RANBP2: variants seen among roughly 807,000 people sequenced by gnomAD.
RANBP2 encodes the protein E3 SUMO-protein ligase RanBP2.
A neutral mutation model predicts 303.6 loss-of-function variants in RANBP2; 57 were observed. That is an observed-to-expected ratio of 0.19 (90% confidence interval 0.15 to 0.23). RANBP2 has a LOEUF of 0.23. Ranked by LOEUF, RANBP2 falls within the 10% of genes least tolerant of loss-of-function variation. The pLI is 1.00. For synonymous variants in RANBP2, 1,167 were observed against 1,301.5 expected, an observed-to-expected ratio of 0.90 and a Z score of 2.23; for missense variants, 3,138 against 3,780.8, an observed-to-expected ratio of 0.83 and a Z score of 4.46.
At chr2:108,821,834 A>C in the RANBP2 span, among the ~76,000 whole-genome samples, 1 of 150,090 alleles carries the variant, frequency 6.7e-6, no homozygotes, top group Non-Finnish European at 1.5e-5. Flanking sequence ...AATCCCAGCT[A>C]CTCCAGAGGC....
At chr2:109,714,483 G>A in the RANBP2 span, among the ~76,000 whole-genome samples, 4 of 151,956 alleles carry the variant, frequency 2.6e-5, no homozygotes, top group East Asian at 7.8e-4. Flanking sequence ...TGTATTTTTA[G>A]TAGAGATGGG....
At chr2:109,728,092 A>G in the RANBP2 span, among the ~76,000 whole-genome samples, 1 of 152,198 alleles carries the variant, frequency 6.6e-6, no homozygotes, top group Non-Finnish European at 1.5e-5. Flanking sequence ...CTTGGAACCC[A>G]GCCACCATGC....
the RANBP2 span, among the ~76,000 whole-genome samples, chr2:109,006,009 G>T: frequency 6.6e-6 from 1 of 152,122 alleles, no homozygotes; most frequent in Admixed American, 6.5e-5. Context: ...CACGTGAGAG[G>T]TTCCTACGGC....
chr2:108,753,862 C>G lies in RANBP2; in HGVS notation c.2093C>G (p.Ala698Gly). 3 of 1,611,920 alleles carry G rather than the reference C, an allele frequency of 1.9e-6. No individual in the cohort carries two copies. The highest frequency in any genetic ancestry group is 1.7e-6 in the Non-Finnish European group (2 of 1,179,832). The change falls in exon 15 of 29, where the codon GCC becomes GGC. Residue 698 changes from alanine to glycine, a missense_variant. This residue lies in a region of RANBP2 where 194 missense variants were observed against 197.4 expected (regional missense o/e 0.98). Coordinates refer to ENST00000283195, the MANE Select transcript of RANBP2 (RefSeq NM_006267.5). The part of the protein sequence containing the change: ...HRKAEDIEND[A>G]LSPEEQEECK... ...AAGGCAGAAGACATTGAAAATGATG[C>G]CCTTTCTCCTGAAGAACAAGAAGAA...
the RANBP2 span, among the ~76,000 whole-genome samples, chr2:109,301,403 A>T: frequency 6.6e-6 from 1 of 151,792 alleles, no homozygotes; most frequent in Non-Finnish European, 1.5e-5. Flanking sequence ...CTGTCTGTGT[A>T]TGAACTCATG....
chr2:109,552,905 G>A, the RANBP2 span: 6 of 669,524 alleles, frequency 9.0e-6, no homozygotes, highest in Non-Finnish European at 1.4e-5. Flanking sequence ...GAAGGCCAAA[G>A]TTTTCATTTA....
chr2:109,569,384 T>C, the RANBP2 span, among the ~76,000 whole-genome samples: 2 of 149,080 alleles, frequency 1.3e-5, no homozygotes, highest in Admixed American at 6.8e-5. Flanking sequence ...TGAGCCGAGA[T>C]CGCGTCATTG....
At position 108,765,108 on chromosome 2, in the gene RANBP2, T is replaced by G. The variant is rs1434806694; in HGVS notation, c.4569T>G (p.Phe1523Leu). 27 of 1,613,932 alleles carry G rather than the reference T, an allele frequency of 1.7e-5. No individual in the cohort carries two copies. Among genetic ancestry groups the G allele is most frequent in the Non-Finnish European group, 2.3e-5 (27 of 1,179,984 alleles). Residue 1523 changes from phenylalanine (F) to leucine (L), a missense_variant, in exon 20 of 29, where the codon TTT (phenylalanine) becomes TTG (leucine). Phe to Leu is a conservative substitution (Grantham distance 22). Transcript: ENST00000283195. ...TTCCAACACCTGCCTCTTTTAAGTT[T>G]GGTACTTCAGAGACAAGTAAAACTC... is the stretch of plus-strand genomic sequence containing the variant. ...TSIPTPASFK[F>L]GTSETSKTLK... is the part of the protein sequence containing the mutation.
At chr2:109,303,083 C>T in the RANBP2 span, among the ~76,000 whole-genome samples, 2 of 152,238 alleles carry the variant, frequency 1.3e-5, no homozygotes, top group East Asian at 1.9e-4. Flanking sequence ...ATCATGCTGG[C>T]CAGGCTGGTC....
chr2:109,634,349 A>G, the RANBP2 span, among the ~76,000 whole-genome samples: 2 of 152,186 alleles, frequency 1.3e-5, no homozygotes, highest in Admixed American at 6.5e-5. Context: ...AAGAGAAGAC[A>G]TTAAAAAAAG....
chr2:109,726,058 G>GGTGTGT, the RANBP2 span, among the ~76,000 whole-genome samples: 27,444 of 136,550 alleles, frequency 0.2, 2,879 homozygotes, highest in Middle Eastern at 0.26. Flanking sequence ...TTTTGCTTTT[G>GGTGTGT]GTGTGTGTGT....
At chr2:109,259,394 G>A in the RANBP2 span, among the ~76,000 whole-genome samples, 2 of 152,202 alleles carry the variant, frequency 1.3e-5, no homozygotes, top group African/African-American at 4.8e-5. Flanking sequence ...TGCAAGGGGA[G>A]GCTGGGCCTC....
At chr2:109,603,294 G>T in the RANBP2 span, among the ~76,000 whole-genome samples, 2 of 151,740 alleles carry the variant, frequency 1.3e-5, no homozygotes, top group African/African-American at 4.8e-5. Flanking sequence ...GAGTGCAGTG[G>T]CGCAATCTCG....
chr2:109,191,145 G>C, the RANBP2 span, among the ~76,000 whole-genome samples: 2 of 152,152 alleles, frequency 1.3e-5, no homozygotes, highest in Non-Finnish European at 2.9e-5. Context: ...GCCAATGAGA[G>C]TAGAGGGTCC....
the RANBP2 span, among the ~76,000 whole-genome samples, chr2:109,685,946 AC>A: frequency 6.6e-6 from 1 of 152,232 alleles, no homozygotes; most frequent in African/African-American, 2.4e-5. Context: ...AATCTAAACC[AC>A]GAGGGAAGAT....
the RANBP2 span, among the ~76,000 whole-genome samples, chr2:109,030,748 G>C: frequency 1.3e-5 from 2 of 151,746 alleles, no homozygotes; most frequent in African/African-American, 4.8e-5. Flanking sequence ...GACAGTTTTT[G>C]TTGTTGTTGT....
intron 20 of RANBP2, among the ~76,000 whole-genome samples, chr2:108,771,378 A>G (rs183068446): frequency 9.9e-5 from 15 of 152,120 alleles, no homozygotes; most frequent in Non-Finnish European, 2.2e-4. Context: ...TAGTTAGGCA[A>G]CACTTTAAAA....
intron 6 of RANBP2, among the ~76,000 whole-genome samples, chr2:108,737,025 A>G (rs1487790887): frequency 7.2e-6 from 1 of 138,604 alleles, no homozygotes; most frequent in African/African-American, 2.8e-5. Flanking sequence ...AAGTTTACTG[A>G]TTGCTAGTTT....
the RANBP2 span, among the ~76,000 whole-genome samples, chr2:109,259,308 C>T: frequency 6.6e-6 from 1 of 152,196 alleles, no homozygotes; most frequent in African/African-American, 2.4e-5. Flanking sequence ...GTGCAGAGGC[C>T]TGGCTCTGAC....
Sources: gnomAD v4.1 joint callset for allele counts (sites outside exome capture counted in the v4.1 genomes callset) on GRCh38, gnomAD v4.1.1 for gene constraint, gnomAD v4.1.1 regional missense constraint, MANE v1.5 for transcripts, NCBI Gene and HGNC (gene_info 2026-07-23, HGNC 2026-07-21) for gene names.